The following HOXA3 variants were observed in gnomAD, a reference collection of about 807,000 sequenced individuals.
HOXA3 encodes the protein homeobox A3.
A neutral mutation model predicts 30.3 loss-of-function variants in HOXA3; 8 were observed. The ratio of observed to expected loss-of-function variants is 0.26; its 90% CI spans 0.15 to 0.48. The LOEUF is 0.48. HOXA3 is among the 20% of genes least tolerant of loss of function. The pLI, the probability that HOXA3 is intolerant of heterozygous loss-of-function variation, is 0.99. For missense variants in HOXA3, 653 were observed against 614.4 expected (o/e 1.06, Z -0.66); for synonymous variants, 323 against 273.1 (o/e 1.18, Z -1.80).
At chr7:27,147,886 G>C in intron 1 of HOXA3, 1 of 833,476 alleles carries the variant, frequency 1.2e-6, no homozygotes, top group South Asian at 1.9e-5. Context: ...CAGCTGACGC[G>C]GCGGCGGCCA....
Position 27,141,746 on chromosome 7 carries a change from G to A in HOXA3, c.-493-1560C>T, listed in dbSNP as rs945832269. ...ACGAGAACAGGGCTTCTTCACAGAA[G>A]GAACACAAGGGAGTTTCAGAAAGTC... is the stretch of plus-strand genomic sequence containing the variant. On this transcript the variant is annotated intron_variant, in intron 1 of 5. Coordinates refer to ENST00000612286, the MANE Select transcript of HOXA3 (RefSeq NM_153631.3). The A allele has an allele frequency of 3.3e-6, 5 of 1,493,466 alleles. No homozygotes were observed. In the African/African-American group the frequency reaches 4.2e-5, roughly 13 times the overall value. 92.5% of individuals were successfully genotyped at this position (1,493,466 alleles called of 1,614,324 possible).
chr7:27,140,821 G>C (rs1782540660), intron 1 of HOXA3, among the ~76,000 whole-genome samples: 1 of 152,154 alleles, frequency 6.6e-6, no homozygotes, highest in African/African-American at 2.4e-5. Flanking sequence ...GGTTTCCTCA[G>C]AGATGGACAG....
Position 27,109,977 on chromosome 7 carries a change from T to C in HOXA3, c.526+138A>G. 3.7e-6 allele frequency: 4 copies of C among 1,085,690 alleles called. No individual in the cohort carries two copies. The South Asian group carries it at 6.0e-5, about 16-fold the overall frequency. 67.3% of individuals were successfully genotyped at this position (1,085,690 alleles called of 1,614,324 possible). ...CTAAGTTGCAAAGACTATGAAAACC[T>C]TTTTGGTGGGCAGTGGTGTGGGAGC... On this transcript the variant is annotated intron_variant, in intron 5 of 5. Transcript: ENST00000612286.
intron 1 of HOXA3, 130 bp downstream of exon 1, chr7:27,152,158 G>A: frequency 2.7e-6 from 1 of 365,704 alleles, no homozygotes; most frequent in African/African-American, 2.1e-5. Context: ...GGGGGCAAGT[G>A]TGAATGGGTG....
intron 3 of HOXA3, among the ~76,000 whole-genome samples, chr7:27,125,035 G>T (rs1785223434): frequency 1.3e-5 from 2 of 152,164 alleles, no homozygotes; most frequent in South Asian, 4.1e-4. Context: ...AAGCAGCTTT[G>T]ATGGCCCATG....
intron 1 of HOXA3, among the ~76,000 whole-genome samples, chr7:27,148,317 G>A (rs1007007617): frequency 6.6e-6 from 1 of 152,258 alleles, no homozygotes; most frequent in African/African-American, 2.4e-5. Flanking sequence ...TCCCCTATTC[G>A]TGGGTGCGAG....
intron 4 of HOXA3, among the ~76,000 whole-genome samples, chr7:27,114,816 C>CAT (rs1419518800): frequency 9.9e-5 from 2 of 20,210 alleles, no homozygotes; most frequent in East Asian, 2.1e-3. Flanking sequence ...CTAAAACATA[C>CAT]ATATATATAT....
intron 1 of HOXA3, chr7:27,151,573 A>G (rs1308621121): frequency 2.2e-6 from 1 of 456,624 alleles, no homozygotes; most frequent in East Asian, 6.9e-5. Context: ...CCTCCAACAC[A>G]GAATTCCACC....
At chr7:27,111,485 C>CGTGTGTGTGTGT (rs61655486) in intron 4 of HOXA3, among the ~76,000 whole-genome samples, 3,045 of 148,856 alleles carry the variant, frequency 0.02, 83 homozygotes, top group African/African-American at 0.06. Flanking sequence ...GAACACATTG[C>CGTGTGTGTGTGT]GTGTGTGTGT....
intron 1 of HOXA3, chr7:27,140,923 T>C (rs1446832642): frequency 6.6e-6 from 1 of 152,200 alleles, no homozygotes; most frequent in Non-Finnish European, 1.5e-5. Context: ...GATGGGACAG[T>C]GTTGGTATGA....
chr7:27,126,332 GAA>G (rs1202860990), intron 3 of HOXA3, among the ~76,000 whole-genome samples: 2 of 152,032 alleles, frequency 1.3e-5, no homozygotes, highest in African/African-American at 4.8e-5. Context: ...GAGGGAGGGA[GAA>G]AGAGAGAAAA....
Position 27,107,568 on chromosome 7 carries a change from C to G in HOXA3, c.*347G>C. 1 of 229,316 alleles carries G rather than the reference C, an allele frequency of 4.4e-6. No individual in the cohort carries two copies. 14.2% of individuals were successfully genotyped at this position (229,316 alleles called of 1,614,324 possible). A position where few individuals can be genotyped will look rare whatever the true frequency, so the allele number is the denominator to read the frequency against. On this transcript the variant is annotated 3_prime_UTR_variant, in exon 6 of 6. Transcript: ENST00000612286. Reference sequence around the variant, plus strand: ...CCCCTCGGGAGCCATAATGTAAGAACAAATTCACATTGAAAACTCGACTAG... The same window carrying G: ...CCCCTCGGGAGCCATAATGTAAGAAGAAATTCACATTGAAAACTCGACTAG...
chr7:27,141,736 C>T, intron 1 of HOXA3: 2 of 1,465,332 alleles, frequency 1.4e-6, no homozygotes, highest in Non-Finnish European at 1.8e-6. Context: ...AACAGGGCTT[C>T]TTCACAGAAG....
At chr7:27,120,463 A>AC (rs1250682104) in intron 4 of HOXA3, among the ~76,000 whole-genome samples, 1 of 150,084 alleles carries the variant, frequency 6.7e-6, no homozygotes, top group East Asian at 2.0e-4. Flanking sequence ...ATCACTTGAA[A>AC]CCAGAAGGCA....
intron 2 of HOXA3, chr7:27,129,600 GC>G: frequency 6.2e-7 from 1 of 1,607,202 alleles, no homozygotes; most frequent in South Asian, 1.1e-5. Context: ...GAAATAGAAG[GC>G]CAAGGAGGAG....
intron 3 of HOXA3, chr7:27,123,836 CA>C (rs1389672103): frequency 6.6e-6 from 1 of 152,302 alleles, no homozygotes; most frequent in Non-Finnish European, 1.5e-5. Context: ...CCGTAGCCCC[CA>C]CAAACCAAAG....
chr7:27,122,079 G>T (rs986579841), intron 4 of HOXA3: 12 of 152,512 alleles, frequency 7.9e-5, no homozygotes, highest in African/African-American at 2.9e-4. Context: ...AATGGTCTAA[G>T]AAACTGCAAG....
chr7:27,120,772 A>G (rs868556575), intron 4 of HOXA3, among the ~76,000 whole-genome samples: 1 of 152,304 alleles, frequency 6.6e-6, no homozygotes, highest in East Asian at 1.9e-4. Context: ...AAGTCAAAAG[A>G]CATTTAACTT....
intron 4 of HOXA3, among the ~76,000 whole-genome samples, chr7:27,117,533 C>T (rs1047777866): frequency 6.6e-6 from 1 of 152,160 alleles, no homozygotes; most frequent in Non-Finnish European, 1.5e-5. Context: ...GGTTCAGATC[C>T]TTGGGTCTGG....
Sources: allele counts gnomAD v4.1 joint callset (sites outside exome capture counted in the v4.1 genomes callset), GRCh38; gene constraint gnomAD v4.1.1; transcripts MANE v1.5; gene names NCBI Gene and HGNC (gene_info 2026-07-23, HGNC 2026-07-21).